The following IDUA variants were observed in gnomAD, a reference collection of about 807,000 sequenced individuals.
IDUA encodes iduronidase alpha-L-.
A neutral mutation model predicts 68.9 loss-of-function variants in IDUA; 65 were observed. That is an observed-to-expected ratio of 0.94 (90% confidence interval 0.77 to 1.16). IDUA has a LOEUF of 1.16. Among genes scored for constraint, IDUA ranks in the 50% most tolerant of loss-of-function variants. The pLI, the probability that IDUA is intolerant of heterozygous loss-of-function variation, is 0.00. For synonymous variants in IDUA, 529 were observed against 433.6 expected (o/e 1.22, Z -2.73); for missense variants, 1,046 against 938.0 (o/e 1.12, Z -1.50).
chr4:1,002,678 G>A, intron 8 of IDUA, 54 bp from the exon 9 acceptor site: 5 of 1,310,960 alleles, frequency 3.8e-6, no homozygotes, highest in Non-Finnish European at 5.2e-6. Flanking sequence ...GCCCTGGGTC[G>A]GGGGGCGGCT....
rs574025652 is a variant in IDUA at position 1,000,628 on chromosome 4, G to C, written c.316G>C (p.Gly106Arg). ...LVTTRGSTGRGLSYNFTHLDG... is the reference protein window; with the variant it reads ...LVTTRGSTGRRLSYNFTHLDG... ...CTTCTGCAGGGGGTCCACTGGACGG[G>C]GCCTGAGCTACAACTTCACCCACCT... The change falls in exon 3 of 14, where the codon GGC becomes CGC. Residue 106 changes from glycine (G) to arginine (R), a missense_variant. By Grantham distance (125) the Gly-to-Arg change is moderately radical. Coordinates refer to ENST00000514224, the MANE Select transcript of IDUA (RefSeq NM_000203.5). 1.7e-5 allele frequency: 27 copies of C among 1,612,640 alleles called. No homozygotes were observed. In the South Asian group the frequency reaches 2.4e-4, roughly 14 times the overall value.
intron 2 of IDUA, chr4:989,736 C>T (rs1714093160): frequency 6.4e-7 from 1 of 1,557,750 alleles, no homozygotes; most frequent in South Asian, 1.2e-5. Flanking sequence ...TCACCAGGCT[C>T]TTGGCCAGGG....
chr4:992,161 A>G (rs1401741596), intron 2 of IDUA: 2 of 467,240 alleles, frequency 4.3e-6, no homozygotes, highest in East Asian at 6.7e-5. Context: ...TCAGAATGTC[A>G]CAGTCACTGG....
At position 1,003,615 on chromosome 4, in the gene IDUA, G is replaced by A. The variant is rs146588560; in HGVS notation, c.1717G>A (p.Val573Met). 2.7e-5 allele frequency: 44 copies of A among 1,612,438 alleles called. No individual in the cohort carries two copies. The highest frequency in any genetic ancestry group is 3.6e-5 in the Non-Finnish European group (42 of 1,179,836). The change falls in exon 12 of 14, where the codon GTG becomes ATG. Residue 573 changes from valine (V) to methionine (M), a missense_variant. Coordinates refer to ENST00000514224, the MANE Select transcript of IDUA (RefSeq NM_000203.5). The stretch of plus-strand genomic sequence containing the variant: ...GGTTCTGGTCTGGTCGGATGAACAC[G>A]TGGGCTCCAAGTGCGTGAGTGGGGC... Reference protein sequence around the residue: ...QLVLVWSDEHVGSKCLWTYEI... With the variant: ...QLVLVWSDEHMGSKCLWTYEI...
At chr4:992,945 G>A (rs1346316603) in intron 2 of IDUA, 2 of 152,274 alleles carry the variant, frequency 1.3e-5, no homozygotes, top group Non-Finnish European at 2.9e-5. Context: ...GCTGGCCCAG[G>A]GTGTGCGAGC....
rs769510661 is a variant in IDUA, at chr4:1,004,414, G to T, written c.*21G>T. On this transcript the variant is annotated 3_prime_UTR_variant, in exon 14 of 14. Coordinates refer to ENST00000514224, the MANE Select transcript of IDUA (RefSeq NM_000203.5). The surrounding 1 kb of genome is among the most constrained non-coding windows in gnomAD (Gnocchi z 5.0). ...CATGAGCCTGTGCTGAGCCCCAGTG[G>T]GTTGCACCTCCACCGGCAGTCAGCG... 6.2e-7 allele frequency: 1 copy of T among 1,608,570 alleles called. No individual in the cohort carries two copies. Among genetic ancestry groups the T allele is most frequent in the African/African-American group, 1.3e-5 (1 of 74,862 alleles).
At position 987,169 on chromosome 4, in the gene IDUA, C is replaced by A; in HGVS notation, c.85C>A (p.Pro29Thr). The A allele has an allele frequency of 1.4e-6, 2 of 1,450,680 alleles. No individual in the cohort carries two copies. The highest frequency in any genetic ancestry group is 1.8e-6 in the Non-Finnish European group (2 of 1,107,160). 89.9% of individuals were successfully genotyped at this position (1,450,680 alleles called of 1,614,324 possible). Residue 29 changes from proline (P) to threonine (T), a missense_variant, in exon 1 of 14, where the codon CCG (proline) becomes ACG (threonine). Coordinates refer to ENST00000514224, the MANE Select transcript of IDUA (RefSeq NM_000203.5). ...AAPPVAPAEA[P>T]HLVHVDAARA... ...GCCCCCGGTGGCCCCGGCCGAGGCC[C>A]CGCACCTGGTGCATGTGGACGCGGC...
chr4:990,794 C>A (rs1262711536), intron 2 of IDUA: 2 of 398,566 alleles, frequency 5.0e-6, no homozygotes, highest in African/African-American at 4.1e-5. Flanking sequence ...GAGGCCATCC[C>A]CCACTCCACC....
rs369225996 is a variant in IDUA, at chr4:1,004,413, G to A, written c.*20G>A. On this transcript the variant is annotated 3_prime_UTR_variant, in exon 14 of 14. Coordinates refer to ENST00000514224, the MANE Select transcript of IDUA (RefSeq NM_000203.5). This position sits in a 1 kb window ranked among gnomAD's most constrained non-coding sequence, Gnocchi z 5.0. Reference sequence around the variant, plus strand: ...CCATGAGCCTGTGCTGAGCCCCAGTGGGTTGCACCTCCACCGGCAGTCAGC... The same window carrying A: ...CCATGAGCCTGTGCTGAGCCCCAGTAGGTTGCACCTCCACCGGCAGTCAGC... The A allele has an allele frequency of 1.4e-4, 230 of 1,608,684 alleles. 1 individual carries two copies. The highest frequency in any genetic ancestry group is 1.6e-4 in the Non-Finnish European group (190 of 1,179,880).
chr4:996,049 C>T (rs1042358335), intron 2 of IDUA, among the ~76,000 whole-genome samples: 3 of 152,206 alleles, frequency 2.0e-5, no homozygotes, highest in African/African-American at 7.2e-5. Flanking sequence ...ACCCCCATAG[C>T]CTCCACCTGG....
intron 2 of IDUA, chr4:992,975 T>C (rs1714488320): frequency 6.6e-6 from 1 of 152,182 alleles, no homozygotes; most frequent in African/African-American, 2.4e-5. Flanking sequence ...CTGGCGGGTG[T>C]GTTGGGGCAG....
intron 1 of IDUA, 54 bp downstream of exon 1, chr4:987,296 GC>G: frequency 2.1e-6 from 3 of 1,460,038 alleles, no homozygotes; most frequent in Non-Finnish European, 2.7e-6. Context: ...GAGCTCGGGC[GC>G]CCCCTGACTG....
chr4:987,788 C>T (rs918391345), intron 1 of IDUA, 21 bp from the exon 2 acceptor site: 1 of 1,611,568 alleles, frequency 6.2e-7, no homozygotes, highest in Admixed American at 1.7e-5. Flanking sequence ...CGGGACTGAG[C>T]CGCCCCTTTG....
rs1450965303 is a variant in IDUA, at chr4:1,003,581, A to G, written c.1683A>G (p.Gln561=). Residue 561 remains glutamine (Q), a synonymous_variant, in exon 12 of 14, where the codon CAA becomes CAG. Transcript: ENST00000514224. ...GGCTCCGCGCCCTGCCCCTGACCCA[A>G]GGGCAGCTGGTTCTGGTCTGGTCGG... ...VTRLRALPLT[Q]GQLVLVWSDE... 3.1e-6 allele frequency: 5 copies of G among 1,612,128 alleles called. No individual in the cohort carries two copies. The highest frequency in any genetic ancestry group is 3.4e-6 in the Non-Finnish European group (4 of 1,179,740).
chr4:1,003,068 G>T lies in IDUA; in HGVS notation c.1435G>T (p.Gly479Trp). The change falls in exon 10 of 14, where the codon GGG (glycine) becomes TGG (tryptophan). Residue 479 changes from glycine (G) to tryptophan (W), a missense_variant. Gly to Trp is a radical substitution (Grantham distance 184, BLOSUM62 -2). Coordinates refer to ENST00000514224, the MANE Select transcript of IDUA (RefSeq NM_000203.5). ...CTACGTCACGCGCTACCTGGACAAC[G>T]GGCTCTGCAGCCCCGACGGCGAGTG... ...LVYVTRYLDN[G>W]LCSPDGEWRR... The T allele has an allele frequency of 6.6e-7, 1 of 1,520,956 alleles. No homozygotes were observed. Among genetic ancestry groups the T allele is most frequent in the South Asian group, 1.2e-5 (1 of 81,806 alleles). The allele number at this position is 1,520,956 out of a possible 1,614,324, so 94.2% of individuals were successfully genotyped here.
Position 1,001,533 on chromosome 4 carries a change from G to C in IDUA, c.559G>C (p.Asp187His). 6.2e-7 allele frequency: 1 copy of C among 1,613,292 alleles called. No individual in the cohort carries two copies. The highest frequency in any genetic ancestry group is 8.5e-7 in the Non-Finnish European group (1 of 1,179,968). Residue 187 changes from aspartate to histidine, a missense_variant, in exon 5 of 14, where the codon GAC (aspartate) becomes CAC (histidine). Physicochemically the swap from Asp to His is moderately conservative, Grantham distance 81 (BLOSUM62 -1). Transcript: ENST00000514224. ...GACGTGGAATGAGCCAGACCACCACGACTTTGACAACGTCTCCATGACCAT... is the reference window on the plus strand; with the variant it reads ...GACGTGGAATGAGCCAGACCACCACCACTTTGACAACGTCTCCATGACCAT... Reference protein sequence around the residue: ...FETWNEPDHHDFDNVSMTMQG... With the variant: ...FETWNEPDHHHFDNVSMTMQG...
At position 1,000,666 on chromosome 4, in the gene IDUA, G is replaced by T; in HGVS notation, c.354G>T (p.Leu118=). 1 of 1,612,554 alleles carries T rather than the reference G, an allele frequency of 6.2e-7. No individual in the cohort carries two copies. Residue 118 remains leucine (L), a synonymous_variant, in exon 3 of 14, where the codon CTG becomes CTT. Transcript: ENST00000514224. ...ACTTCACCCACCTGGACGGGTACCT[G>T]GACCTTCTCAGGGAGAACCAGCTCC... is the stretch of plus-strand genomic sequence containing the variant. The part of the protein sequence containing the change: ...SYNFTHLDGY[L]DLLRENQLLP...
chr4:993,731 C>A (rs1417261459), intron 2 of IDUA, among the ~76,000 whole-genome samples: 1 of 152,186 alleles, frequency 6.6e-6, no homozygotes, highest in Non-Finnish European at 1.5e-5. Flanking sequence ...GCCTTCAAAC[C>A]CAGGCGGGGC....
Position 1,003,171 on chromosome 4 carries a change from G to C in IDUA, c.1524+14G>C, listed in dbSNP as rs911562350. 1.2e-5 allele frequency: 16 copies of C among 1,351,832 alleles called. No homozygotes were observed. The highest frequency in any genetic ancestry group is 1.4e-5 in the Non-Finnish European group (15 of 1,057,054). The allele number at this position is 1,351,832 out of a possible 1,614,324, so 83.7% of individuals were successfully genotyped here. On this transcript the variant is annotated intron_variant, in intron 10 of 13. Transcript: ENST00000514224. ...CGCGCGGCTGAGGTAGGTGGGCCGCGGAGGGGCGAGGGGCCGGGCCGGGCC... is the reference window on the plus strand; with the variant it reads ...CGCGCGGCTGAGGTAGGTGGGCCGCCGAGGGGCGAGGGGCCGGGCCGGGCC...
Sources: gnomAD v4.1 joint callset for allele counts (sites outside exome capture counted in the v4.1 genomes callset) on GRCh38, gnomAD v4.1.1 for gene constraint, Gnocchi (gnomAD v3.1) non-coding constraint, MANE v1.5 for transcripts, NCBI Gene and HGNC (gene_info 2026-07-23, HGNC 2026-07-21) for gene names.